The following DENND1A variants were observed in gnomAD, a reference collection of about 807,000 sequenced individuals.
DENND1A encodes the protein DENN domain containing 1A, also known as DENN domain-containing protein 1A.
In DENND1A, 51 loss-of-function variants were observed where a neutral mutation model predicts 113.7. The ratio of observed to expected loss-of-function variants is 0.45; its 90% CI spans 0.36 to 0.57. The LOEUF is 0.57. Ranked by LOEUF, DENND1A falls within the 20% of genes least tolerant of loss-of-function variation. The probability of loss-of-function intolerance (pLI) is 0.00; values close to 1 mark genes in which losing one functional copy is unlikely to be tolerated. For missense variants in DENND1A, 1,258 were observed against 1,395.9 expected, an observed-to-expected ratio of 0.90 and a Z score of 1.57; for synonymous variants, 565 against 570.8, an observed-to-expected ratio of 0.99 and a Z score of 0.14.
chr9:123,517,113 C>T (rs1423337570), intron 13 of DENND1A, among the ~76,000 whole-genome samples: 1 of 150,940 alleles, frequency 6.6e-6, no homozygotes, highest in Non-Finnish European at 1.5e-5. Context: ...GTTAGCCAGG[C>T]GTGGTGGCGG....
At chr9:123,789,020 G>A (rs962241691) in intron 3 of DENND1A, among the ~76,000 whole-genome samples, 1 of 149,852 alleles carries the variant, frequency 6.7e-6, no homozygotes, top group Non-Finnish European at 1.5e-5. Flanking sequence ...AAAAGCAGAT[G>A]AATAAATAAT....
In DENND1A at chr9:123,639,063, A is replaced by AAAAG. The variant is rs1272668933; in HGVS notation, c.619-8591_619-8588dup. 1.1e-3 allele frequency among the ~76,000 whole-genome samples: 162 copies of AAAAG among 146,506 alleles called. 2 individuals carry two copies. The highest frequency in any genetic ancestry group is 5.4e-3 in the South Asian group (24 of 4,440). On this transcript the variant is annotated intron_variant, in intron 9 of 23. Transcript: ENST00000394215. Reference sequence around the variant, plus strand: ...GTAAAAAAAAAAAAAAAAAAAAAAAAAAAGAAAGAAAGAAAAAAAAAGAAA... The same window carrying AAAAG: ...GTAAAAAAAAAAAAAAAAAAAAAAAAAAAGAAAGAAAGAAAGAAAAAAAAAGAAA...
At chr9:123,817,356 CCA>C (rs941372793) in intron 2 of DENND1A, among the ~76,000 whole-genome samples, 1 of 152,126 alleles carries the variant, frequency 6.6e-6, no homozygotes, top group African/African-American at 2.4e-5. Context: ...ATGTGTTGGT[CCA>C]CACGCCGGGG....
At chr9:123,807,488 CTTTCA>C (rs761626839) in intron 2 of DENND1A, among the ~76,000 whole-genome samples, 30 of 152,168 alleles carry the variant, frequency 2.0e-4, no homozygotes, top group Admixed American at 4.6e-4. Flanking sequence ...ACTGTTAATT[CTTTCA>C]TTTAAGTACT....
intron 2 of DENND1A, among the ~76,000 whole-genome samples, chr9:123,812,147 C>T (rs550770077): frequency 6.6e-6 from 1 of 152,152 alleles, no homozygotes; most frequent in Non-Finnish European, 1.5e-5. Context: ...TACTGTTGTA[C>T]GTTTAATATA....
At chr9:123,602,112 G>A (rs2059957064) in intron 11 of DENND1A, among the ~76,000 whole-genome samples, 1 of 152,164 alleles carries the variant, frequency 6.6e-6, no homozygotes, top group African/African-American at 2.4e-5. Context: ...AGGGGGATTG[G>A]TTCCAGGGCC....
Position 123,380,476 on chromosome 9 carries a change from A to ACTGCCTCGTTCCAACCCAGGAAGGCCAG in DENND1A, c.*928_*955dup, listed in dbSNP as rs1424512302. ...GGCCCTGGAGAAGGGGCTCAGGGCCACTGCCTCGTTCCAACCCAGGAAGGC... is the reference window on the plus strand; with the variant it reads ...GGCCCTGGAGAAGGGGCTCAGGGCCACTGCCTCGTTCCAACCCAGGAAGGCCAGCTGCCTCGTTCCAACCCAGGAAGGC... On this transcript the variant is annotated 3_prime_UTR_variant, in exon 24 of 24. Transcript: ENST00000394215. The ACTGCCTCGTTCCAACCCAGGAAGGCCAG allele has an allele frequency of 3.3e-5, 5 of 152,460 alleles. No individual in the cohort carries two copies. The highest frequency in any genetic ancestry group is 1.2e-4 in the African/African-American group (5 of 41,448). 9.4% of individuals were successfully genotyped at this position (152,460 alleles called of 1,614,324 possible).
At chr9:123,601,209 A>C (rs1168171837) in intron 11 of DENND1A, among the ~76,000 whole-genome samples, 4 of 152,212 alleles carry the variant, frequency 2.6e-5, no homozygotes, top group African/African-American at 7.2e-5. Flanking sequence ...TCACGTGAGA[A>C]TATTTCCATC....
chr9:123,621,456 G>C (rs2060961081), intron 10 of DENND1A, among the ~76,000 whole-genome samples: 3 of 152,218 alleles, frequency 2.0e-5, no homozygotes, highest in African/African-American at 7.2e-5. Flanking sequence ...AAAGTGCTGG[G>C]ATATAGGTGT....
intron 13 of DENND1A, among the ~76,000 whole-genome samples, chr9:123,517,905 A>G (rs2134866135): frequency 6.6e-6 from 1 of 152,328 alleles, no homozygotes; most frequent in Admixed American, 6.5e-5. Flanking sequence ...GGTGGTGGAA[A>G]TGTGAGTGAC....
At chr9:123,467,651 G>C (rs373217246) in intron 13 of DENND1A, among the ~76,000 whole-genome samples, 1 of 152,110 alleles carries the variant, frequency 6.6e-6, no homozygotes, top group South Asian at 2.1e-4. Flanking sequence ...GAGAAACTCC[G>C]TCTTGAAACA....
At chr9:123,571,096 A>C (rs1288955492) in intron 12 of DENND1A, among the ~76,000 whole-genome samples, 1 of 152,100 alleles carries the variant, frequency 6.6e-6, no homozygotes, top group Non-Finnish European at 1.5e-5. Context: ...TTTAGGGTAA[A>C]ACAAAGCTAA....
At chr9:123,467,775 T>C (rs1293837572) in intron 13 of DENND1A, among the ~76,000 whole-genome samples, 4 of 152,172 alleles carry the variant, frequency 2.6e-5, no homozygotes, top group Non-Finnish European at 5.9e-5. Flanking sequence ...CACAGGTCCA[T>C]GCAGGTGGGG....
At chr9:123,402,260 A>ACACACG (rs61166421) in intron 21 of DENND1A, among the ~76,000 whole-genome samples, 3,955 of 151,778 alleles carry the variant, frequency 0.026, 164 homozygotes, top group African/African-American at 0.089. Flanking sequence ...ACACACACAC[A>ACACACG]CACGCACGCA....
At position 123,606,445 on chromosome 9, in the gene DENND1A, A is replaced by C. The variant is rs145428145; in HGVS notation, c.765+2991T>G. Among the ~76,000 whole-genome samples, 1,007 of 152,370 alleles carry C rather than the reference A, an allele frequency of 6.6e-3. 11 individuals carry two copies. The highest frequency in any genetic ancestry group is 0.022 in the African/African-American group (927 of 41,598). ...CTCCCTTAACGCCCTTCAAAGGCTG[A>C]GCAGAAGAGACCTGCACCCATTCAT... On this transcript the variant is annotated intron_variant, in intron 11 of 23. Coordinates refer to ENST00000394215, the MANE Select transcript of DENND1A (RefSeq NM_001352964.2).
intron 2 of DENND1A, among the ~76,000 whole-genome samples, chr9:123,853,345 A>G (rs962706689): frequency 1.5e-4 from 22 of 151,456 alleles, no homozygotes; most frequent in African/African-American, 5.3e-4. Flanking sequence ...TTTTGTAAAA[A>G]CCCCTTAAAT....
intron 5 of DENND1A, among the ~76,000 whole-genome samples, chr9:123,728,491 A>C (rs866925988): frequency 7.0e-6 from 1 of 142,728 alleles, no homozygotes. Flanking sequence ...AAAAAAAAAA[A>C]AAAAAAAAAA....
chr9:123,743,861 G>A (rs1589898257), intron 5 of DENND1A, among the ~76,000 whole-genome samples: 2 of 152,212 alleles, frequency 1.3e-5, no homozygotes, highest in East Asian at 3.9e-4. Context: ...AAGGTGACAT[G>A]ACATGTTTTG....
At chr9:123,546,289 C>T (rs1347576406) in intron 13 of DENND1A, among the ~76,000 whole-genome samples, 1 of 152,124 alleles carries the variant, frequency 6.6e-6, no homozygotes, top group Non-Finnish European at 1.5e-5. Context: ...TGGCTCACGC[C>T]TGTAATCCCA....
Sources: allele counts gnomAD v4.1 joint callset (sites outside exome capture counted in the v4.1 genomes callset), GRCh38; gene constraint gnomAD v4.1.1; transcripts MANE v1.5; gene names NCBI Gene and HGNC (gene_info 2026-07-23, HGNC 2026-07-21).